Variants in MCTP2 observed in about 807,000 individuals in gnomAD.
MCTP2 encodes the protein multiple C2 and transmembrane domain containing 2.
Under a neutral mutation model 111.6 loss-of-function variants are expected in MCTP2, and 132 were observed. The ratio of observed to expected loss-of-function variants is 1.18; its 90% CI spans 1.03 to 1.37. MCTP2 has a LOEUF of 1.37. Among genes scored for constraint, MCTP2 ranks in the 40% most tolerant of loss-of-function variants. MCTP2 has a pLI of 0.00. For missense variants in MCTP2, 1,183 were observed against 1,067.9 expected (o/e 1.11, Z -1.50); for synonymous variants, 395 against 387.7 (o/e 1.02, Z -0.22).
At chr15:94,404,233 A>G (rs1490654997) in intron 17 of MCTP2, among the ~76,000 whole-genome samples, 4 of 151,958 alleles carry the variant, frequency 2.6e-5, no homozygotes, top group African/African-American at 4.8e-5. Flanking sequence ...TTAAAATGAG[A>G]GGCTATACAG....
Position 94,340,294 on chromosome 15 carries a change from T to A in MCTP2, c.857+19T>A, listed in dbSNP as rs1567467479. On this transcript the variant is annotated intron_variant, in intron 6 of 22. Coordinates refer to ENST00000357742, the MANE Select transcript of MCTP2 (RefSeq NM_001385001.1). ...TTAACAGGTACCGTATTTTTACATTTTAATTGTTATTGATGAGTTTTAGAG... is the reference window on the plus strand; with the variant it reads ...TTAACAGGTACCGTATTTTTACATTATAATTGTTATTGATGAGTTTTAGAG... 6.4e-7 allele frequency: 1 copy of A among 1,566,212 alleles called. No homozygotes were observed.
intron 1 of MCTP2, among the ~76,000 whole-genome samples, chr15:94,274,484 C>G (rs1472358254): frequency 2.0e-5 from 3 of 151,950 alleles, no homozygotes; most frequent in Non-Finnish European, 4.4e-5. Flanking sequence ...AATAAACTTG[C>G]AGGATTGTTC....
chr15:94,464,257 T>TAATATATATATATATATATATTA (rs4001978), intron 20 of MCTP2, among the ~76,000 whole-genome samples: 1 of 44,968 alleles, frequency 2.2e-5, no homozygotes, highest in African/African-American at 6.0e-5. Flanking sequence ...TATATATATA[T>TAATATATATATATATATATATTA]TATATATATA....
At position 94,303,641 on chromosome 15, in the gene MCTP2, C is replaced by T. The variant is rs80018536; in HGVS notation, c.465+4911C>T. Among the ~76,000 whole-genome samples the T allele has an allele frequency of 2.5e-3, 387 of 152,194 alleles. 1 individual carries two copies. The highest frequency in any genetic ancestry group is 4.5e-3 in the Non-Finnish European group (306 of 67,986). On this transcript the variant is annotated intron_variant, in intron 2 of 22. Transcript: ENST00000357742. ...AGAACAGCATGGGAAAGAGTTGCCC[C>T]GTGGTTCAGTCATCTCCCATGGGTC...
rs2074390978 is a variant in MCTP2 at position 94,476,673 on chromosome 15, TCTC to T, written c.2471-20_2471-18del. Reference sequence around the variant, plus strand: ...ATAGACAGACAGACAGATAAAGAGATCTCCTGTGTTTCTATTTTTCAGGCATAA... The same window carrying T: ...ATAGACAGACAGACAGATAAAGAGATCTGTGTTTCTATTTTTCAGGCATAA... On this transcript the variant is annotated intron_variant, in intron 21 of 22. Transcript: ENST00000357742. 2 of 1,152,450 alleles carry T rather than the reference TCTC, an allele frequency of 1.7e-6. No individual in the cohort carries two copies. The highest frequency in any genetic ancestry group is 1.2e-5 in the South Asian group (1 of 81,314). 71.4% of individuals were successfully genotyped at this position (1,152,450 alleles called of 1,614,324 possible). A position where few individuals can be genotyped will look rare whatever the true frequency, so the allele number is the denominator to read the frequency against.
intron 20 of MCTP2, among the ~76,000 whole-genome samples, chr15:94,467,540 TGTGA>T (rs2073485362): frequency 6.6e-6 from 1 of 152,246 alleles, no homozygotes; most frequent in African/African-American, 2.4e-5. Flanking sequence ...TTGGGGGTTG[TGTGA>T]GTGTTTTTAG....
chr15:94,340,199 G>C lies in MCTP2; in HGVS notation c.781G>C (p.Val261Leu), dbSNP rs201676597. The change falls in exon 6 of 23, where the codon GTA (valine) becomes CTA (leucine). Residue 261 changes from valine to leucine, a missense_variant and splice_region_variant. Physicochemically the swap from Val to Leu is conservative, Grantham distance 32. Transcript: ENST00000357742. ...QSLDQKLRVK[V>L]YDRDLTTSDF... is the part of the protein sequence containing the mutation. Reference sequence around the variant, plus strand: ...TAATTGACCTCTGTCCTCTTTGTAGGTATATGATCGAGATTTAACCACATC... The same window carrying C: ...TAATTGACCTCTGTCCTCTTTGTAGCTATATGATCGAGATTTAACCACATC... The C allele has an allele frequency of 6.2e-7, 1 of 1,608,672 alleles. No individual in the cohort carries two copies. The highest frequency in any genetic ancestry group is 2.2e-5 in the East Asian group (1 of 44,756).
Position 94,483,452 on chromosome 15 carries a change from C to G in MCTP2, c.*4418C>G, listed in dbSNP as rs562136505. The G allele has an allele frequency of 6.6e-6, 1 of 152,152 alleles. No individual in the cohort carries two copies. Among genetic ancestry groups the G allele is most frequent in the Non-Finnish European group, 1.5e-5 (1 of 68,032 alleles). 9.4% of individuals were successfully genotyped at this position (152,152 alleles called of 1,614,324 possible). ...ACAATAGCAAAGACACTGGATCAGT[C>G]TAAATGCCCATCATTGATAGAATGG... On this transcript the variant is annotated 3_prime_UTR_variant, in exon 23 of 23. Coordinates refer to ENST00000357742, the MANE Select transcript of MCTP2 (RefSeq NM_001385001.1).
intron 7 of MCTP2, chr15:94,341,725 T>C (rs2077650707): frequency 6.6e-6 from 1 of 152,160 alleles, no homozygotes; most frequent in Non-Finnish European, 1.5e-5. Context: ...CTTAAAGCAG[T>C]AGGAAAACTG....
intron 17 of MCTP2, among the ~76,000 whole-genome samples, chr15:94,404,703 C>G (rs1325919432): frequency 2.0e-5 from 3 of 151,832 alleles, no homozygotes. Flanking sequence ...TGCCTGTAGA[C>G]CTGTTAGCTG....
chr15:94,447,805 G>C (rs1596745466), intron 19 of MCTP2, among the ~76,000 whole-genome samples: 2 of 152,338 alleles, frequency 1.3e-5, no homozygotes, highest in South Asian at 2.1e-4. Context: ...AAAAGCCAGA[G>C]AGTATCTTTG....
chr15:94,401,583 T>C (rs1419403227), intron 16 of MCTP2, among the ~76,000 whole-genome samples: 1 of 152,220 alleles, frequency 6.6e-6, no homozygotes, highest in African/African-American at 2.4e-5. Context: ...TCTGCATGTG[T>C]CTTTCTCACA....
intron 12 of MCTP2, among the ~76,000 whole-genome samples, chr15:94,382,192 G>A (rs1358571143): frequency 6.6e-6 from 1 of 152,232 alleles, no homozygotes; most frequent in African/African-American, 2.4e-5. Flanking sequence ...GGAAGCAGAG[G>A]CCACAACAGA....
chr15:94,408,187 G>A (rs1241549668), intron 17 of MCTP2, among the ~76,000 whole-genome samples: 1 of 152,174 alleles, frequency 6.6e-6, no homozygotes. Context: ...GTCACAACTG[G>A]ATGTGCAGAG....
At chr15:94,374,356 A>G (rs570707976) in intron 12 of MCTP2, among the ~76,000 whole-genome samples, 1 of 152,352 alleles carries the variant, frequency 6.6e-6, no homozygotes, top group African/African-American at 2.4e-5. Flanking sequence ...AATGAAGAGT[A>G]GGAAACTATA....
intron 4 of MCTP2, among the ~76,000 whole-genome samples, chr15:94,323,503 C>T (rs1007736174): frequency 3.3e-5 from 5 of 152,152 alleles, no homozygotes; most frequent in Non-Finnish European, 7.4e-5. Context: ...AAGATTGTTC[C>T]TTGCAGGTGG....
chr15:94,297,508 T>A (rs2075328773), intron 1 of MCTP2, among the ~76,000 whole-genome samples: 1 of 152,168 alleles, frequency 6.6e-6, no homozygotes, highest in Non-Finnish European at 1.5e-5. Context: ...GAATATAAAT[T>A]TGAAAGATAC....
At chr15:94,433,083 G>GATTTGTTA (rs1567696147) in intron 17 of MCTP2, among the ~76,000 whole-genome samples, 3 of 151,700 alleles carry the variant, frequency 2.0e-5, no homozygotes. Context: ...AATACATAGG[G>GATTTGTTA]GATTTGTTAG....
intron 17 of MCTP2, chr15:94,402,338 G>A: frequency 6.9e-7 from 1 of 1,439,108 alleles, no homozygotes; most frequent in Non-Finnish European, 9.1e-7. Flanking sequence ...CTGAAAAATG[G>A]CATCTGAAAA....
Sources: allele counts gnomAD v4.1 joint callset (sites outside exome capture counted in the v4.1 genomes callset), GRCh38; gene constraint gnomAD v4.1.1; transcripts MANE v1.5; gene names NCBI Gene and HGNC (gene_info 2026-07-23, HGNC 2026-07-21).